The following ARFIP1 variants were observed in gnomAD, a reference collection of about 807,000 sequenced individuals.
ARFIP1 encodes ARF interacting protein 1, also known as arfaptin-1.
Under a neutral mutation model 42.5 loss-of-function variants are expected in ARFIP1, and 24 were observed. The observed-to-expected ratio is 0.57, with a 90% CI of 0.41 to 0.80. The LOEUF (loss-of-function observed/expected upper bound fraction) is 0.80, where lower values mean the gene tolerates loss of function less well. Among genes scored for constraint, ARFIP1 ranks in the 30% least tolerant of loss-of-function variants. The pLI is 0.00. For missense variants in ARFIP1, 354 were observed against 434.0 expected (o/e 0.82, Z 1.64); for synonymous variants, 141 against 153.7 (o/e 0.92, Z 0.61).
At chr4:152,831,721 T>G (rs1356123045) in intron 2 of ARFIP1, among the ~76,000 whole-genome samples, 1 of 152,224 alleles carries the variant, frequency 6.6e-6, no homozygotes, top group Non-Finnish European at 1.5e-5. Context: ...CACTCAACAT[T>G]ATGTCTGTGA....
chr4:152,854,568 T>C (rs1733268040), intron 2 of ARFIP1, among the ~76,000 whole-genome samples: 1 of 152,210 alleles, frequency 6.6e-6, no homozygotes, highest in Non-Finnish European at 1.5e-5. Flanking sequence ...TACATTGATA[T>C]CTGGTGTAAT....
At chr4:152,799,664 G>C (rs1731682000) in intron 1 of ARFIP1, among the ~76,000 whole-genome samples, 2 of 152,202 alleles carry the variant, frequency 1.3e-5, no homozygotes, top group Non-Finnish European at 1.5e-5. Flanking sequence ...TGAGAAGCTA[G>C]AGAATTATGT....
At chr4:152,813,099 A>G (rs1184888596) in intron 1 of ARFIP1, among the ~76,000 whole-genome samples, 1 of 152,098 alleles carries the variant, frequency 6.6e-6, no homozygotes, top group Non-Finnish European at 1.5e-5. Context: ...CCAACCTTGG[A>G]TTGAAAATAT....
chr4:152,800,927 G>A (rs1728371146), intron 1 of ARFIP1, among the ~76,000 whole-genome samples: 2 of 152,086 alleles, frequency 1.3e-5, no homozygotes, highest in African/African-American at 4.8e-5. Context: ...TATAGCGTGG[G>A]TACAATTTGA....
chr4:152,878,149 G>GCTTCCTTTTGC (rs1288286209), intron 5 of ARFIP1, among the ~76,000 whole-genome samples: 2 of 152,086 alleles, frequency 1.3e-5, no homozygotes, highest in African/African-American at 4.8e-5. Context: ...ATTTACTTTA[G>GCTTCCTTTTGC]CTTCCTTTTG....
At chr4:152,824,444 T>C (rs1277709052) in intron 1 of ARFIP1, among the ~76,000 whole-genome samples, 2 of 152,040 alleles carry the variant, frequency 1.3e-5, no homozygotes, top group African/African-American at 2.4e-5. Context: ...ACAAAAATGG[T>C]ATGATCATCT....
chr4:152,781,234 C>CTTTTTTT (rs535397594), intron 1 of ARFIP1, among the ~76,000 whole-genome samples: 222 of 118,822 alleles, frequency 1.9e-3, no homozygotes, highest in Middle Eastern at 4.4e-3. Context: ...TTTCTTTTTT[C>CTTTTTTT]TTTTTTTTTT....
At chr4:152,846,616 CCA>C (rs151338582) in intron 2 of ARFIP1, among the ~76,000 whole-genome samples, 57,543 of 151,698 alleles carry the variant, frequency 0.38, 11,944 homozygotes, top group Admixed American at 0.49. Flanking sequence ...GCATTTAACT[CCA>C]AATTCATTTT....
At chr4:152,870,274 A>T (rs1211458620) in intron 3 of ARFIP1, among the ~76,000 whole-genome samples, 9 of 152,348 alleles carry the variant, frequency 5.9e-5, no homozygotes, top group Admixed American at 5.9e-4. Context: ...ATTCCTGTGA[A>T]GGCTGTAGTT....
chr4:152,890,718 A>G (rs1449094218), intron 8 of ARFIP1, among the ~76,000 whole-genome samples: 2 of 152,172 alleles, frequency 1.3e-5, no homozygotes, highest in Admixed American at 6.6e-5. Flanking sequence ...TGATGACAGA[A>G]TACTCAAGTG....
At chr4:152,844,266 G>A (rs1426216428) in intron 2 of ARFIP1, among the ~76,000 whole-genome samples, 1 of 152,212 alleles carries the variant, frequency 6.6e-6, no homozygotes, top group Non-Finnish European at 1.5e-5. Context: ...CAGTACTTGA[G>A]GTGTCTCCTG....
chr4:152,797,589 A>G (rs1004438981), intron 1 of ARFIP1, among the ~76,000 whole-genome samples: 2 of 152,218 alleles, frequency 1.3e-5, no homozygotes, highest in Non-Finnish European at 2.9e-5. Flanking sequence ...GAATGGGGAT[A>G]TCTTTCTCTT....
At chr4:152,903,870 T>C (rs1484114229) in intron 8 of ARFIP1, among the ~76,000 whole-genome samples, 2 of 152,064 alleles carry the variant, frequency 1.3e-5, no homozygotes, top group East Asian at 1.9e-4. Flanking sequence ...CTGACTTATA[T>C]TGACATTTGC....
At chr4:152,802,037 A>AT (rs1424249668) in intron 1 of ARFIP1, among the ~76,000 whole-genome samples, 1 of 152,190 alleles carries the variant, frequency 6.6e-6, no homozygotes, top group East Asian at 1.9e-4. Context: ...ACCATGTTGA[A>AT]TTACCACATT....
At chr4:152,843,772 C>T (rs988816089) in intron 2 of ARFIP1, among the ~76,000 whole-genome samples, 5 of 152,182 alleles carry the variant, frequency 3.3e-5, no homozygotes, top group African/African-American at 1.2e-4. Context: ...ACTGTGCCCC[C>T]ACCAACAGCC....
chr4:152,791,429 T>G (rs777318644), intron 1 of ARFIP1, among the ~76,000 whole-genome samples: 3 of 152,206 alleles, frequency 2.0e-5, no homozygotes, highest in Non-Finnish European at 4.4e-5. Context: ...ACTCAATTTT[T>G]TATTGTAAAC....
At chr4:152,805,178 C>G (rs1245363723) in intron 1 of ARFIP1, among the ~76,000 whole-genome samples, 1 of 152,204 alleles carries the variant, frequency 6.6e-6, no homozygotes, top group Non-Finnish European at 1.5e-5. Context: ...TCACCTGATA[C>G]TCAAAAGCAT....
chr4:152,798,710 C>T (rs1484020801), intron 1 of ARFIP1, among the ~76,000 whole-genome samples: 1 of 152,122 alleles, frequency 6.6e-6, no homozygotes, highest in African/African-American at 2.4e-5. Context: ...AAAATGGTGT[C>T]TGGTACTTAT....
chr4:152,808,243 G>A (rs1163782964), intron 1 of ARFIP1, among the ~76,000 whole-genome samples: 1 of 135,530 alleles, frequency 7.4e-6, no homozygotes, highest in Non-Finnish European at 1.5e-5. Flanking sequence ...GCCTCCCAAA[G>A]TGCTGGGATT....
Sources: allele counts gnomAD v4.1 joint callset (sites outside exome capture counted in the v4.1 genomes callset), GRCh38; gene constraint gnomAD v4.1.1; transcripts MANE v1.5; gene names NCBI Gene and HGNC (gene_info 2026-07-23, HGNC 2026-07-21).